The following LIPH variants were observed in gnomAD, a reference collection of about 807,000 sequenced individuals.
The protein encoded by LIPH is lipase H.
A neutral mutation model predicts 47.6 loss-of-function variants in LIPH; 32 were observed. The observed-to-expected ratio is 0.67, with a 90% CI of 0.51 to 0.90. LIPH has a LOEUF of 0.90. LIPH is among the 40% of genes least tolerant of loss of function. LIPH has a pLI of 0.00. For synonymous variants in LIPH, 190 were observed against 195.6 expected (o/e 0.97, Z 0.24); for missense variants, 497 against 541.4 (o/e 0.92, Z 0.81).
intron 2 of LIPH, 41 bp downstream of exon 2, chr3:185,534,724 G>T: frequency 6.2e-7 from 1 of 1,609,212 alleles, no homozygotes; most frequent in Non-Finnish European, 8.5e-7. Context: ...TAATGGGCCA[G>T]TTTCAACTTA....
At chr3:185,544,814 G>C (rs1483011960) in intron 1 of LIPH, among the ~76,000 whole-genome samples, 1 of 152,158 alleles carries the variant, frequency 6.6e-6, no homozygotes, top group Non-Finnish European at 1.5e-5. Flanking sequence ...GCCTGGTTCA[G>C]AGTTAGCATC....
intron 3 of LIPH, among the ~76,000 whole-genome samples, chr3:185,529,131 C>T (rs1483220795): frequency 1.4e-4 from 18 of 130,364 alleles, no homozygotes; most frequent in African/African-American, 3.9e-4. Context: ...GAGCCAAGAT[C>T]GTGCCACTGC....
intron 9 of LIPH, among the ~76,000 whole-genome samples, chr3:185,510,913 T>C (rs1719541935): frequency 6.6e-6 from 1 of 152,162 alleles, no homozygotes; most frequent in Non-Finnish European, 1.5e-5. Flanking sequence ...AGCAGTGTGG[T>C]AGTTAGGGAA....
intron 9 of LIPH, among the ~76,000 whole-genome samples, chr3:185,510,862 T>C (rs7615714): frequency 0.42 from 63,628 of 151,958 alleles, 13,510 homozygotes; most frequent in Middle Eastern, 0.47. Flanking sequence ...CTTGCCAAAT[T>C]ATCCAAAGCT....
intron 1 of LIPH, among the ~76,000 whole-genome samples, chr3:185,547,303 C>A (rs1465476361): frequency 6.6e-6 from 1 of 152,122 alleles, no homozygotes; most frequent in Non-Finnish European, 1.5e-5. Flanking sequence ...ATGTCAATTT[C>A]ACGTCCTACA....
chr3:185,527,671 C>T, intron 3 of LIPH, 86 bp from the exon 4 acceptor site: 1 of 884,268 alleles, frequency 1.1e-6, no homozygotes, highest in Non-Finnish European at 1.9e-6. Context: ...GAGGGTGGCT[C>T]CCAGGCTGCA....
In LIPH at chr3:185,542,071, C is replaced by T. The variant is rs576860653; in HGVS notation, c.50-6939G>A. ...CGTGCCTGGCCATATTTGTGAATTT[C>T]TTATGTGCAAATTTATTCATCACCC... On this transcript the variant is annotated intron_variant, in intron 1 of 9. Transcript: ENST00000296252. Among the ~76,000 whole-genome samples the T allele has an allele frequency of 4.9e-4, 74 of 151,978 alleles. 2 individuals are homozygous for T. The South Asian group carries it at 0.013, about 26-fold the overall frequency.
intron 1 of LIPH, among the ~76,000 whole-genome samples, chr3:185,539,028 T>C (rs1720618398): frequency 6.6e-6 from 1 of 151,696 alleles, no homozygotes; most frequent in South Asian, 2.1e-4. Flanking sequence ...TGGAGTGCAG[T>C]GGTGTGATCT....
At chr3:185,508,969 T>G in intron 9 of LIPH, 92 bp from the exon 10 acceptor site, 1 of 847,348 alleles carries the variant, frequency 1.2e-6, no homozygotes, top group Non-Finnish European at 2.0e-6. Flanking sequence ...TACAAAATTA[T>G]TTAGCAATTG....
At chr3:185,536,955 G>A (rs138186207) in intron 1 of LIPH, among the ~76,000 whole-genome samples, 45 of 152,268 alleles carry the variant, frequency 3.0e-4, no homozygotes, top group Non-Finnish European at 4.9e-4. Flanking sequence ...TGCAATCTCG[G>A]CTCACTGCAA....
intron 1 of LIPH, among the ~76,000 whole-genome samples, chr3:185,548,597 C>T (rs1464037387): frequency 1.3e-5 from 2 of 148,834 alleles, no homozygotes; most frequent in African/African-American, 5.0e-5. Flanking sequence ...TGTGGTGGCA[C>T]ATGCCTTTAG....
intron 2 of LIPH, among the ~76,000 whole-genome samples, chr3:185,534,503 A>T (rs777571726): frequency 6.6e-6 from 1 of 152,222 alleles, no homozygotes; most frequent in Non-Finnish European, 1.5e-5. Context: ...GTGGAAATTT[A>T]TCATAATAAA....
chr3:185,517,036 G>A (rs1166529606), intron 7 of LIPH, 31 bp downstream of exon 7: 1 of 1,421,008 alleles, frequency 7.0e-7, no homozygotes, highest in Non-Finnish European at 1.0e-6. Flanking sequence ...TGAGAGTTAG[G>A]CAAAAGCCAA....
intron 1 of LIPH, among the ~76,000 whole-genome samples, chr3:185,542,471 C>T (rs952245866): frequency 6.6e-6 from 1 of 152,052 alleles, no homozygotes; most frequent in Non-Finnish European, 1.5e-5. Context: ...CGGCTGCCAC[C>T]ACGTTCTGCT....
chr3:185,514,883 G>A lies in LIPH; in HGVS notation c.983-362C>T, dbSNP rs537005208. 2.0e-5 allele frequency among the ~76,000 whole-genome samples: 3 copies of A among 152,298 alleles called. No individual in the cohort carries two copies. In the South Asian group the frequency reaches 6.2e-4, roughly 32 times the overall value. On this transcript the variant is annotated intron_variant, in intron 7 of 9. Coordinates refer to ENST00000296252, the MANE Select transcript of LIPH (RefSeq NM_139248.3). ...CCATTCGGAGACCCTCCAGGGCTGA[G>A]ACGGTTTTCCACAGTTTGGGCCAAG...
intron 1 of LIPH, among the ~76,000 whole-genome samples, chr3:185,542,830 A>G (rs1347800493): frequency 6.6e-6 from 1 of 152,202 alleles, no homozygotes; most frequent in African/African-American, 2.4e-5. Flanking sequence ...ACATGAATAG[A>G]ACTTGAGGCC....
At chr3:185,537,419 G>C (rs1005224109) in intron 1 of LIPH, among the ~76,000 whole-genome samples, 1 of 152,022 alleles carries the variant, frequency 6.6e-6, no homozygotes, top group Non-Finnish European at 1.5e-5. Context: ...CCTGTGTAGC[G>C]AGGCGTGCTC....
At position 185,514,289 on chromosome 3, in the gene LIPH, T is replaced by G; in HGVS notation, c.1094+121A>C. 3 of 694,036 alleles carry G rather than the reference T, an allele frequency of 4.3e-6. No homozygotes were observed. The Admixed American group carries it at 6.1e-5, about 14-fold the overall frequency. 43.0% of individuals were successfully genotyped at this position (694,036 alleles called of 1,614,324 possible). On this transcript the variant is annotated intron_variant, in intron 8 of 9. Transcript: ENST00000296252. ...AGCAACTAAGCAATAGTTCCCCTTATATCTTTTATAGAACAAGGAAAAGCA... is the reference window on the plus strand; with the variant it reads ...AGCAACTAAGCAATAGTTCCCCTTAGATCTTTTATAGAACAAGGAAAAGCA...
Position 185,534,973 on chromosome 3 carries a change from T to A in LIPH, c.209A>T (p.Lys70Ile). The change falls in exon 2 of 10, where the codon AAA (lysine) becomes ATA (isoleucine). Residue 70 changes from lysine (K) to isoleucine (I), a missense_variant. Physicochemically the swap from Lys to Ile is moderately radical, Grantham distance 102 (BLOSUM62 -3). Coordinates refer to ENST00000296252, the MANE Select transcript of LIPH (RefSeq NM_139248.3). ...SAFGNLNVTK[K>I]TTFIVHGFRP... ...GAATCCATGGACAATGAAGGTGGTT[T>A]TCTTGGTCACATTCAAGTTCCCAAA... 6.2e-7 allele frequency: 1 copy of A among 1,614,062 alleles called. No homozygotes were observed. The highest frequency in any genetic ancestry group is 8.5e-7 in the Non-Finnish European group (1 of 1,180,002).
Sources: allele counts gnomAD v4.1 joint callset (sites outside exome capture counted in the v4.1 genomes callset), GRCh38; gene constraint gnomAD v4.1.1; transcripts MANE v1.5; gene names NCBI Gene and HGNC (gene_info 2026-07-23, HGNC 2026-07-21).